The following DPP6 variants were observed in gnomAD, a reference collection of about 807,000 sequenced individuals.
DPP6 encodes A-type potassium channel modulatory protein DPP6.
In DPP6, 69 loss-of-function variants were observed where a neutral mutation model predicts 122.6. The observed-to-expected ratio is 0.56, with a 90% confidence interval of 0.46 to 0.69. The LOEUF (loss-of-function observed/expected upper bound fraction) is 0.69, where lower values mean the gene tolerates loss of function less well. DPP6 is among the 30% of genes least tolerant of loss of function. The pLI, the probability that DPP6 is intolerant of heterozygous loss-of-function variation, is 0.00. For missense variants in DPP6, 928 were observed against 1,116.9 expected (o/e 0.83, Z 2.41); for synonymous variants, 418 against 433.1 (o/e 0.97, Z 0.43).
At chr7:154,719,504 G>T (rs540316853) in intron 7 of DPP6, among the ~76,000 whole-genome samples, 31 of 152,316 alleles carry the variant, frequency 2.0e-4, no homozygotes, top group Middle Eastern at 3.4e-3. Context: ...GAAATCTGGG[G>T]TGTCAAGTAT....
intron 10 of DPP6, among the ~76,000 whole-genome samples, chr7:154,773,829 G>A (rs1169935474): frequency 6.6e-6 from 1 of 152,088 alleles, no homozygotes; most frequent in Admixed American, 6.6e-5. Context: ...GGCAGGAATC[G>A]AGGCCTCAGG....
chr7:154,077,397 T>C, intron 1 of DPP6, among the ~76,000 whole-genome samples: 1 of 152,166 alleles, frequency 6.6e-6, no homozygotes, highest in East Asian at 1.9e-4. Flanking sequence ...ACTTTCAGTA[T>C]CATTATGTAC....
intron 6 of DPP6, among the ~76,000 whole-genome samples, chr7:154,651,282 A>G (rs573952309): frequency 3.3e-5 from 5 of 152,194 alleles, no homozygotes; most frequent in African/African-American, 9.7e-5. Context: ...AACCACATTC[A>G]TTAGAGAATG....
intron 1 of DPP6, among the ~76,000 whole-genome samples, chr7:154,100,574 A>C: frequency 1.3e-5 from 1 of 76,640 alleles, no homozygotes. Context: ...CCCCTCCTTT[A>C]CTCCGTCCCT....
chr7:153,927,442 C>G (rs1212405046), intron 1 of DPP6, among the ~76,000 whole-genome samples: 1 of 151,922 alleles, frequency 6.6e-6, no homozygotes, highest in African/African-American at 2.4e-5. Flanking sequence ...TGGTGGACAC[C>G]CTTTAATTCA....
chr7:154,737,511 T>C (rs1842624873), intron 8 of DPP6, among the ~76,000 whole-genome samples: 1 of 152,230 alleles, frequency 6.6e-6, no homozygotes, highest in Admixed American at 6.5e-5. Flanking sequence ...TTTAATATTT[T>C]TGATCTGCAT....
At chr7:154,582,813 C>T (rs1421356591) in intron 5 of DPP6, among the ~76,000 whole-genome samples, 2 of 152,244 alleles carry the variant, frequency 1.3e-5, no homozygotes, top group African/African-American at 4.8e-5. Flanking sequence ...CTCACTCTTC[C>T]GTGTGTCTCC....
the DPP6 span, among the ~76,000 whole-genome samples, chr7:153,784,021 C>G: frequency 6.6e-6 from 1 of 152,184 alleles, no homozygotes; most frequent in African/African-American, 2.4e-5. Context: ...TAATGCTATA[C>G]CTGGAACACA....
At chr7:153,815,853 C>T in the DPP6 span, among the ~76,000 whole-genome samples, 1 of 152,048 alleles carries the variant, frequency 6.6e-6, no homozygotes, top group Non-Finnish European at 1.5e-5. Context: ...TTATTCTGCA[C>T]ATTTTATGAT....
chr7:154,778,339 G>A (rs1212495367), intron 10 of DPP6, among the ~76,000 whole-genome samples: 1 of 152,028 alleles, frequency 6.6e-6, no homozygotes, highest in Non-Finnish European at 1.5e-5. Context: ...CAGCTCCTGG[G>A]CAGCTTACAA....
chr7:154,402,222 A>C (rs1815680680), intron 1 of DPP6, among the ~76,000 whole-genome samples: 1 of 151,954 alleles, frequency 6.6e-6, no homozygotes, highest in Non-Finnish European at 1.5e-5. Flanking sequence ...TAGAAATACC[A>C]TTTGACCCAG....
At chr7:154,507,274 TA>T (rs1047053079) in intron 3 of DPP6, among the ~76,000 whole-genome samples, 1 of 142,680 alleles carries the variant, frequency 7.0e-6, no homozygotes, top group African/African-American at 2.5e-5. Flanking sequence ...TAAGAAACCA[TA>T]ATTTTTTTTT....
intron 1 of DPP6, among the ~76,000 whole-genome samples, chr7:154,262,817 C>CT (rs1375637992): frequency 6.6e-6 from 1 of 152,096 alleles, no homozygotes; most frequent in Non-Finnish European, 1.5e-5. Context: ...TGTGGCCCAG[C>CT]TGAGGATAGC....
At chr7:154,499,321 C>A (rs1281832090) in intron 3 of DPP6, among the ~76,000 whole-genome samples, 2 of 152,136 alleles carry the variant, frequency 1.3e-5, no homozygotes, top group Non-Finnish European at 2.9e-5. Context: ...TCTAGCACTG[C>A]CCCCCTGCCT....
intron 1 of DPP6, among the ~76,000 whole-genome samples, chr7:154,023,317 T>TACACACACAC (rs1563109129): frequency 2.9e-4 from 12 of 40,978 alleles, no homozygotes; most frequent in Middle Eastern, 0.012. Context: ...GTTTCTTGTC[T>TACACACACAC]GCACACACAC....
intron 1 of DPP6, among the ~76,000 whole-genome samples, chr7:154,153,373 G>T (rs1225502972): frequency 6.6e-6 from 1 of 152,134 alleles, no homozygotes; most frequent in Non-Finnish European, 1.5e-5. Flanking sequence ...TTTTAGTAGA[G>T]ACCGGGTTTC....
In DPP6 at chr7:154,052,672, G is replaced by T; in HGVS notation, c.-149G>T. The T allele has an allele frequency of 2.5e-6, 3 of 1,213,286 alleles. No homozygotes were observed. The highest frequency in any genetic ancestry group is 3.1e-6 in the Non-Finnish European group (3 of 963,280). 75.2% of individuals were successfully genotyped at this position (1,213,286 alleles called of 1,614,324 possible). A position where few individuals can be genotyped will look rare whatever the true frequency, so the allele number is the denominator to read the frequency against. ...GTGGCGCGCGGGAGGAGCGGCCGCC[G>T]GCGCTGGGCTTGCCTTGCTGCTGCT... On this transcript the variant is annotated 5_prime_UTR_variant, in exon 1 of 26. Transcript: ENST00000377770. The surrounding 1 kb of genome is among the most constrained non-coding windows in gnomAD (Gnocchi z 4.8).
At chr7:154,260,327 AG>A (rs1802929946) in intron 1 of DPP6, among the ~76,000 whole-genome samples, 1 of 152,164 alleles carries the variant, frequency 6.6e-6, no homozygotes, top group African/African-American at 2.4e-5. Context: ...ATTGGGGAAC[AG>A]GTAGTGGTTG....
In DPP6 at chr7:153,964,999, T is replaced by TTCCCTCC. The variant is rs1563055951; in HGVS notation, c.51+77265_51+77266insTCCCTCC. 1.7e-3 allele frequency among the ~76,000 whole-genome samples: 109 copies of TTCCCTCC among 62,400 alleles called. 1 individual carries two copies. Among genetic ancestry groups the TTCCCTCC allele is most frequent in the Admixed American group, 7.7e-3 (37 of 4,802 alleles). 40.9% of individuals were successfully genotyped at this position (62,400 alleles called of 152,430 possible). ...TTTTCCCTTCCTTCCTTCCTTCCTT[T>TTCCCTCC]CTTCCTTCCTTCCTTCCTTCCTTCC... On this transcript the variant is annotated intron_variant, in intron 1 of 25. Coordinates refer to the DPP6 transcript ENST00000404039.
Sources: allele counts gnomAD v4.1 joint callset (sites outside exome capture counted in the v4.1 genomes callset), GRCh38; gene constraint gnomAD v4.1.1; non-coding constraint Gnocchi (gnomAD v3.1); transcripts MANE v1.5; gene names NCBI Gene and HGNC (gene_info 2026-07-23, HGNC 2026-07-21).